Variants in DOK6 observed in about 807,000 individuals in gnomAD.
DOK6 encodes the protein docking protein 6.
DOK6 carries 22 observed loss-of-function variants against 44.0 expected under a neutral mutation model. That is an observed-to-expected ratio of 0.50 (90% CI 0.36 to 0.71). DOK6 has a LOEUF of 0.71. Ranked by LOEUF, DOK6 falls within the 30% of genes least tolerant of loss-of-function variation. The probability of loss-of-function intolerance (pLI) is 0.00; values close to 1 mark genes in which losing one functional copy is unlikely to be tolerated. For synonymous variants in DOK6, 166 were observed against 145.5 expected (o/e 1.14, Z -1.01); for missense variants, 340 against 416.4 (o/e 0.82, Z 1.60).
chr18:69,584,107 C>CAA (rs370695841), intron 2 of DOK6, among the ~76,000 whole-genome samples: 3 of 91,294 alleles, frequency 3.3e-5, no homozygotes, highest in African/African-American at 7.2e-5. Context: ...GACTCCGTCT[C>CAA]AAAAAAAAAA....
chr18:69,596,657 A>G (rs1983748607), intron 2 of DOK6, among the ~76,000 whole-genome samples: 1 of 152,214 alleles, frequency 6.6e-6, no homozygotes, highest in African/African-American at 2.4e-5. Context: ...GATGAAATAA[A>G]GGCATCGTGA....
At chr18:69,683,883 C>A (rs953483750) in intron 4 of DOK6, among the ~76,000 whole-genome samples, 1 of 152,188 alleles carries the variant, frequency 6.6e-6, no homozygotes, top group Non-Finnish European at 1.5e-5. Context: ...CCCAACATTT[C>A]CCAAACTCAC....
chr18:69,608,865 G>A (rs1456771464), intron 3 of DOK6, among the ~76,000 whole-genome samples: 1 of 146,974 alleles, frequency 6.8e-6, no homozygotes, highest in African/African-American at 2.5e-5. Flanking sequence ...CAGGTGAATC[G>A]CTTCAACCCG....
chr18:69,407,090 T>C (rs1040114583), intron 1 of DOK6, among the ~76,000 whole-genome samples: 5 of 152,096 alleles, frequency 3.3e-5, no homozygotes, highest in African/African-American at 1.2e-4. Flanking sequence ...TAAAAAAAAA[T>C]AGTTTACTAT....
At chr18:69,436,760 A>G (rs1285112363) in intron 1 of DOK6, among the ~76,000 whole-genome samples, 1 of 152,152 alleles carries the variant, frequency 6.6e-6, no homozygotes, top group African/African-American at 2.4e-5. Context: ...GGTTGAACTA[A>G]TTTACACTCC....
chr18:69,654,799 T>C (rs753228914), intron 3 of DOK6, among the ~76,000 whole-genome samples: 7 of 152,202 alleles, frequency 4.6e-5, no homozygotes, highest in Non-Finnish European at 8.8e-5. Flanking sequence ...GGTGCACGCC[T>C]GTAATCCCAG....
intron 3 of DOK6, chr18:69,663,448 G>A (rs1177205687): frequency 6.6e-6 from 1 of 151,490 alleles, no homozygotes; most frequent in Non-Finnish European, 1.5e-5. Flanking sequence ...GAAATCACAA[G>A]TCAGTTGACC....
intron 1 of DOK6, among the ~76,000 whole-genome samples, chr18:69,560,416 T>C (rs1555712989): frequency 1.1e-5 from 1 of 94,848 alleles, no homozygotes; most frequent in Non-Finnish European, 2.6e-5. Flanking sequence ...TTTTCTTTTC[T>C]TTTCAGTCAT....
chr18:69,460,456 A>G (rs1342230203), intron 1 of DOK6, among the ~76,000 whole-genome samples: 2 of 152,198 alleles, frequency 1.3e-5, no homozygotes, highest in African/African-American at 4.8e-5. Context: ...TGTTTTATGC[A>G]GGTGTAGCTA....
intron 7 of DOK6, among the ~76,000 whole-genome samples, chr18:69,815,113 T>A (rs1251713536): frequency 1.3e-5 from 2 of 151,588 alleles, no homozygotes; most frequent in Non-Finnish European, 2.9e-5. Context: ...ATCAGGGGAG[T>A]CAACACACTG....
At chr18:69,435,641 T>C (rs79627226) in intron 1 of DOK6, among the ~76,000 whole-genome samples, 30,306 of 152,194 alleles carry the variant, frequency 0.2, 3,410 homozygotes, top group Non-Finnish European at 0.23. Flanking sequence ...GTTCAAGTTG[T>C]AGAATAGCAT....
chr18:69,617,104 T>A (rs1984303160), intron 3 of DOK6, among the ~76,000 whole-genome samples: 1 of 138,878 alleles, frequency 7.2e-6, no homozygotes, highest in Admixed American at 7.3e-5. Context: ...AAAAAAAAAT[T>A]CACTACAAAC....
chr18:69,698,638 CAG>C lies in DOK6; in HGVS notation c.599+48_599+49del, dbSNP rs762547769. 1.0e-5 allele frequency: 16 copies of C among 1,585,456 alleles called. No individual in the cohort carries two copies. The African/African-American group carries it at 1.9e-4, about 19-fold the overall frequency. ...CCAAGTGCAGGAGTTGTCTGTATAA[CAG>C]AGTCTGTATAACAGAGTCCTGAAAG... On this transcript the variant is annotated intron_variant, in intron 5 of 7. Transcript: ENST00000382713.
chr18:69,608,958 A>AAAAAC (rs1555716717), intron 3 of DOK6, among the ~76,000 whole-genome samples: 4 of 151,766 alleles, frequency 2.6e-5, no homozygotes, highest in African/African-American at 7.2e-5. Context: ...TCAAAAAAAA[A>AAAAAC]AAAAAACTTT....
rs1043851243 is a variant in DOK6 at position 69,844,936 on chromosome 18, A to G, written c.*3553A>G. The G allele has an allele frequency of 1.3e-4, 20 of 152,296 alleles. 1 individual carries two copies. Among genetic ancestry groups the G allele is most frequent in the African/African-American group, 4.6e-4 (19 of 41,558 alleles). The allele number at this position is 152,296 out of a possible 1,614,324, so 9.4% of individuals were successfully genotyped here. A position where few individuals can be genotyped will look rare whatever the true frequency, so the allele number is the denominator to read the frequency against. On this transcript the variant is annotated 3_prime_UTR_variant, in exon 8 of 8. Transcript: ENST00000382713. ...GGTGAGCCTCTTGTACTTTCTATTC[A>G]GTGTAGAAAGAGTGGACTGATAAAT...
chr18:69,401,456 C>A, intron 1 of DOK6, 146 bp downstream of exon 1: 1 of 1,010,766 alleles, frequency 9.9e-7, no homozygotes, highest in Non-Finnish European at 1.3e-6. Flanking sequence ...TGTTGCTTGG[C>A]CAGGTGGGGG....
chr18:69,783,490 A>G (rs1980338639), intron 7 of DOK6, among the ~76,000 whole-genome samples: 1 of 152,128 alleles, frequency 6.6e-6, no homozygotes, highest in Admixed American at 6.5e-5. Context: ...TTAACGTTAC[A>G]TTGGTGTTTT....
intron 3 of DOK6, among the ~76,000 whole-genome samples, chr18:69,638,207 T>C (rs1009861918): frequency 5.3e-5 from 8 of 152,366 alleles, no homozygotes; most frequent in Non-Finnish European, 4.4e-5. Flanking sequence ...ATAGACAATA[T>C]GTAACAAATG....
At chr18:69,473,311 G>C (rs895405549) in intron 1 of DOK6, among the ~76,000 whole-genome samples, 2 of 152,018 alleles carry the variant, frequency 1.3e-5, no homozygotes, top group Admixed American at 1.3e-4. Flanking sequence ...AGTTGTTTGC[G>C]TTTTTATTTG....
Sources: allele counts gnomAD v4.1 joint callset (sites outside exome capture counted in the v4.1 genomes callset), GRCh38; gene constraint gnomAD v4.1.1; transcripts MANE v1.5; gene names NCBI Gene and HGNC (gene_info 2026-07-23, HGNC 2026-07-21).